DNAH9: variants seen among roughly 807,000 people sequenced by gnomAD.
DNAH9 encodes dynein axonemal heavy chain 9.
Under a neutral mutation model 471.6 loss-of-function variants are expected in DNAH9, and 345 were observed. The ratio of observed to expected loss-of-function variants is 0.73; its 90% CI spans 0.67 to 0.80. The LOEUF is 0.80. Among genes scored for constraint, DNAH9 ranks in the 30% least tolerant of loss-of-function variants. DNAH9 has a pLI of 0.00. For missense variants in DNAH9, 5,407 were observed against 5,609.2 expected, an observed-to-expected ratio of 0.96 and a Z score of 1.15; for synonymous variants, 2,093 against 2,123.6, an observed-to-expected ratio of 0.99 and a Z score of 0.40.
At chr17:11,729,879 A>G (rs1036679188) in intron 28 of DNAH9, among the ~76,000 whole-genome samples, 23 of 152,222 alleles carry the variant, frequency 1.5e-4, no homozygotes, top group Non-Finnish European at 2.8e-4. Flanking sequence ...AAAGCTGAAC[A>G]GCAGTAGGGC....
At chr17:11,648,451 G>T (rs546262642) in intron 12 of DNAH9, among the ~76,000 whole-genome samples, 1 of 152,222 alleles carries the variant, frequency 6.6e-6, no homozygotes, top group South Asian at 2.1e-4. Flanking sequence ...TACCAAGTAG[G>T]CCACAGTTTC....
chr17:11,828,148 C>A (rs544695511), intron 48 of DNAH9, among the ~76,000 whole-genome samples: 1 of 152,234 alleles, frequency 6.6e-6, no homozygotes, highest in South Asian at 2.1e-4. Context: ...GTAGTCTATT[C>A]TCAGCTGAGC....
chr17:11,887,523 C>T (rs1274500443), intron 57 of DNAH9, among the ~76,000 whole-genome samples: 3 of 152,098 alleles, frequency 2.0e-5, no homozygotes, highest in Non-Finnish European at 4.4e-5. Context: ...AAATAAAGAC[C>T]TATAAATTTT....
chr17:11,822,773 C>G, intron 47 of DNAH9, 28 bp from the exon 48 acceptor site: 1 of 1,611,772 alleles, frequency 6.2e-7, no homozygotes, highest in Non-Finnish European at 8.5e-7. Context: ...ACAAGATAAT[C>G]TTTTCATTTC....
rs887107344 is a variant in DNAH9, at chr17:11,871,523, C to T, written c.10054-75C>T. On this transcript the variant is annotated intron_variant, in intron 51 of 68. Coordinates refer to ENST00000262442, the MANE Select transcript of DNAH9 (RefSeq NM_001372.4). ...CGCTATGAAGCGTGCAGCGGGCGCTCTCCATGATGGAATCACGGCTCTATC... is the reference window on the plus strand; with the variant it reads ...CGCTATGAAGCGTGCAGCGGGCGCTTTCCATGATGGAATCACGGCTCTATC... 7.2e-6 allele frequency: 10 copies of T among 1,391,838 alleles called. No individual in the cohort carries two copies. The Admixed American group carries it at 9.0e-5, about 13-fold the overall frequency. The allele number at this position is 1,391,838 out of a possible 1,614,324, so 86.2% of individuals were successfully genotyped here.
At chr17:11,621,823 T>G (rs11869001) in intron 6 of DNAH9, among the ~76,000 whole-genome samples, 1 of 152,176 alleles carries the variant, frequency 6.6e-6, no homozygotes, top group East Asian at 1.9e-4. Context: ...GGCTCACGCC[T>G]GTAATCCCAG....
rs1279069417 is a variant in DNAH9 at position 11,843,875 on chromosome 17, A to G, written c.9507+8977A>G. ...TGTGTGTGTGTGTGTATATATATAT[A>G]TATATATATATATATACACATAGAG... is the stretch of plus-strand genomic sequence containing the variant. On this transcript the variant is annotated intron_variant, in intron 49 of 68. Coordinates refer to ENST00000262442, the MANE Select transcript of DNAH9 (RefSeq NM_001372.4). Among the ~76,000 whole-genome samples, 645 of 125,196 alleles carry G rather than the reference A, an allele frequency of 5.2e-3. 23 individuals carry two copies. Among genetic ancestry groups the G allele is most frequent in the African/African-American group, 0.017 (582 of 34,094 alleles). 82.1% of individuals were successfully genotyped at this position (125,196 alleles called of 152,430 possible).
chr17:11,746,733 A>T (rs1040075295), intron 31 of DNAH9, among the ~76,000 whole-genome samples: 1 of 152,220 alleles, frequency 6.6e-6, no homozygotes, highest in Non-Finnish European at 1.5e-5. Flanking sequence ...TGTCAGCTAA[A>T]TTGGATATTT....
At chr17:11,773,100 T>C (rs1312468291) in intron 38 of DNAH9, among the ~76,000 whole-genome samples, 2 of 152,238 alleles carry the variant, frequency 1.3e-5, no homozygotes, top group Non-Finnish European at 2.9e-5. Context: ...AAGAGAGATG[T>C]GTAAACTCAA....
chr17:11,806,125 G>A (rs1969672060), intron 43 of DNAH9, among the ~76,000 whole-genome samples: 1 of 152,144 alleles, frequency 6.6e-6, no homozygotes, highest in Non-Finnish European at 1.5e-5. Context: ...CTTGATCACT[G>A]TGTTACGTAG....
chr17:11,830,041 T>G (rs887313752), intron 48 of DNAH9, among the ~76,000 whole-genome samples: 1 of 152,216 alleles, frequency 6.6e-6, no homozygotes, highest in Non-Finnish European at 1.5e-5. Flanking sequence ...CTCTCTGTGG[T>G]GGACTTGGGT....
intron 35 of DNAH9, among the ~76,000 whole-genome samples, 193 bp downstream of exon 35, chr17:11,757,885 A>T (rs1216714648): frequency 4.6e-5 from 7 of 152,182 alleles, no homozygotes; most frequent in Admixed American, 2.6e-4. Flanking sequence ...CAGCTCAGGC[A>T]TGAAGTGAGG....
chr17:11,676,275 C>CT (rs67397847), intron 17 of DNAH9, among the ~76,000 whole-genome samples: 1,283 of 73,352 alleles, frequency 0.017, 14 homozygotes, highest in African/African-American at 0.03. Context: ...CATTTCTGTT[C>CT]TTTTTTTTTT....
intron 12 of DNAH9, among the ~76,000 whole-genome samples, chr17:11,648,205 G>A (rs1259629726): frequency 6.6e-6 from 1 of 152,216 alleles, no homozygotes; most frequent in Non-Finnish European, 1.5e-5. Context: ...ATGCACTATA[G>A]ATTGAGCTGA....
In DNAH9 at chr17:11,752,901, G is replaced by T; in HGVS notation, c.6679G>T (p.Asp2227Tyr). Residue 2227 changes from aspartate (D) to tyrosine (Y), a missense_variant, in exon 33 of 69, where the codon GAT becomes TAT. Around this residue, in one of 3 missense-constraint regions of DNAH9, gnomAD observed 4,636 missense variants for 4,900.3 expected, o/e 0.95. Transcript: ENST00000262442. Reference sequence around the variant, plus strand: ...TGATGGGCCCAAGTGGATTTTACTGGATGGCGACATAGATCCAATGTGGAT... The same window carrying T: ...TGATGGGCCCAAGTGGATTTTACTGTATGGCGACATAGATCCAATGTGGAT... ...THDGPKWILL[D>Y]GDIDPMWIES... The T allele has an allele frequency of 6.2e-7, 1 of 1,609,284 alleles. No homozygotes were observed.
chr17:11,886,704 C>T, intron 56 of DNAH9, 121 bp from the exon 57 acceptor site: 3 of 1,255,068 alleles, frequency 2.4e-6, no homozygotes, highest in Non-Finnish European at 3.3e-6. Context: ...ACCCATCATC[C>T]CCATCCCTCT....
intron 45 of DNAH9, among the ~76,000 whole-genome samples, chr17:11,817,572 C>T (rs1007324311): frequency 6.6e-6 from 1 of 152,222 alleles, no homozygotes; most frequent in African/African-American, 2.4e-5. Flanking sequence ...ACCTAATGAT[C>T]ATGGCTATGG....
At chr17:11,680,913 CTCTT>C (rs767632438) in intron 19 of DNAH9, 24 bp downstream of exon 19, 2 of 1,588,756 alleles carry the variant, frequency 1.3e-6, no homozygotes, top group South Asian at 1.1e-5. Flanking sequence ...ACTGCTGCCT[CTCTT>C]TCTGTGAACA....
At chr17:11,742,348 C>A in intron 30 of DNAH9, 35 bp downstream of exon 30, 1 of 1,601,074 alleles carries the variant, frequency 6.2e-7, no homozygotes, top group Non-Finnish European at 8.5e-7. Flanking sequence ...AACCAAGCAC[C>A]GTGCAACAGC....
Sources: allele counts gnomAD v4.1 joint callset (sites outside exome capture counted in the v4.1 genomes callset), GRCh38; gene constraint gnomAD v4.1.1; regional missense constraint gnomAD v4.1.1; transcripts MANE v1.5; gene names NCBI Gene and HGNC (gene_info 2026-07-23, HGNC 2026-07-21).